EHBP1: variants seen among roughly 807,000 people sequenced by gnomAD.
EHBP1 encodes the protein EH domain binding protein 1.
In EHBP1, 55 loss-of-function variants were observed where a neutral mutation model predicts 144.0. That is an observed-to-expected ratio of 0.38 (90% confidence interval 0.31 to 0.48). The LOEUF is 0.48. EHBP1 is among the 20% of genes least tolerant of loss of function. The pLI, the probability that EHBP1 is intolerant of heterozygous loss-of-function variation, is 0.98. For synonymous variants in EHBP1, 469 were observed against 472.7 expected, an observed-to-expected ratio of 0.99 and a Z score of 0.10; for missense variants, 1,200 against 1,364.2, an observed-to-expected ratio of 0.88 and a Z score of 1.90.
At chr2:62,928,308 C>T (rs548123475) in intron 10 of EHBP1, among the ~76,000 whole-genome samples, 24 of 152,218 alleles carry the variant, frequency 1.6e-4, no homozygotes, top group African/African-American at 4.1e-4. Flanking sequence ...CCTAGGGAGG[C>T]GTTGTCCTCT....
intron 5 of EHBP1, among the ~76,000 whole-genome samples, chr2:62,811,595 A>G (rs1418589338): frequency 6.6e-6 from 1 of 152,208 alleles, no homozygotes; most frequent in East Asian, 1.9e-4. Flanking sequence ...ATGTCAAATT[A>G]TTTTGTTTCA....
chr2:62,778,806 A>G (rs1358552014), intron 5 of EHBP1, among the ~76,000 whole-genome samples: 1 of 152,184 alleles, frequency 6.6e-6, no homozygotes, highest in African/African-American at 2.4e-5. Flanking sequence ...ATTCTGATAA[A>G]TTACTTCTAC....
chr2:63,038,200 AG>A (rs1459404006), intron 20 of EHBP1, among the ~76,000 whole-genome samples: 1 of 152,120 alleles, frequency 6.6e-6, no homozygotes, highest in African/African-American at 2.4e-5. Flanking sequence ...GCTCACTAGC[AG>A]TATTCTTCTA....
chr2:62,892,130 A>G (rs1470438521), intron 10 of EHBP1, among the ~76,000 whole-genome samples: 7 of 152,198 alleles, frequency 4.6e-5, no homozygotes, highest in Non-Finnish European at 8.8e-5. Context: ...CTGCATTTAC[A>G]TCACAATTTC....
At chr2:62,676,515 G>A (rs2033301327) in intron 1 of EHBP1, among the ~76,000 whole-genome samples, 1 of 152,134 alleles carries the variant, frequency 6.6e-6, no homozygotes, top group Admixed American at 6.5e-5. Flanking sequence ...TGTTTATTTG[G>A]TGTGAATAAA....
intron 10 of EHBP1, among the ~76,000 whole-genome samples, chr2:62,880,859 G>T (rs1015379287): frequency 1.3e-5 from 2 of 152,060 alleles, no homozygotes; most frequent in East Asian, 3.9e-4. Context: ...TGTTCCCAAA[G>T]AATTTAAAAC....
intron 13 of EHBP1, among the ~76,000 whole-genome samples, chr2:62,951,213 A>G (rs1487955128): frequency 6.6e-6 from 1 of 152,230 alleles, no homozygotes; most frequent in African/African-American, 2.4e-5. Context: ...CAATATACGT[A>G]TAGGTAGACA....
At chr2:62,753,381 T>C (rs1046235181) in intron 3 of EHBP1, among the ~76,000 whole-genome samples, 5 of 152,216 alleles carry the variant, frequency 3.3e-5, no homozygotes, top group African/African-American at 4.8e-5. Context: ...GCTATTAGTC[T>C]GATGGGCTTC....
chr2:62,693,033 C>T (rs1203493753), intron 1 of EHBP1, among the ~76,000 whole-genome samples: 2 of 152,016 alleles, frequency 1.3e-5, no homozygotes, highest in African/African-American at 4.8e-5. Flanking sequence ...CCCTTCCCAG[C>T]CTCTGGTAAC....
chr2:62,877,770 T>G (rs1272126390), intron 10 of EHBP1, among the ~76,000 whole-genome samples: 1 of 152,184 alleles, frequency 6.6e-6, no homozygotes, highest in Non-Finnish European at 1.5e-5. Context: ...ATCAAGAAAT[T>G]CTTTGAAACA....
intron 9 of EHBP1, among the ~76,000 whole-genome samples, chr2:62,866,197 T>G (rs534397254): frequency 5.2e-5 from 8 of 152,384 alleles, no homozygotes; most frequent in Non-Finnish European, 8.8e-5. Context: ...AAAGCTGTTC[T>G]AGGCCTACCT....
Position 63,038,785 on chromosome 2 carries a change from C to T in EHBP1, c.3246C>T (p.Asn1082=). ...HDLERRYELL[N]RELRAMLAIE... ...TAGAACGACGGTATGAGCTGCTGAA[C>T]CGGGAATTGAGGGCAATGCTAGCCA... is the stretch of plus-strand genomic sequence containing the variant. The change falls in exon 21 of 23, where the codon AAC becomes AAT. Residue 1082 remains asparagine (N), a synonymous_variant. Transcript: ENST00000431489. The T allele has an allele frequency of 6.2e-7, 1 of 1,613,330 alleles. No individual in the cohort carries two copies. The highest frequency in any genetic ancestry group is 8.5e-7 in the Non-Finnish European group (1 of 1,179,486).
chr2:62,917,634 A>G (rs1398941844), intron 10 of EHBP1, among the ~76,000 whole-genome samples: 2 of 152,180 alleles, frequency 1.3e-5, no homozygotes, highest in African/African-American at 2.4e-5. Context: ...GGCAGTTTAT[A>G]TATGATTTAG....
At chr2:63,041,580 A>G (rs1230692808) in intron 21 of EHBP1, among the ~76,000 whole-genome samples, 1 of 152,222 alleles carries the variant, frequency 6.6e-6, no homozygotes, top group Admixed American at 6.5e-5. Flanking sequence ...TAAAATCAAT[A>G]TGTAATCCTG....
intron 14 of EHBP1, among the ~76,000 whole-genome samples, chr2:62,978,007 C>A (rs961298014): frequency 2.6e-4 from 39 of 152,102 alleles, no homozygotes; most frequent in African/African-American, 8.9e-4. Flanking sequence ...CTACATGATA[C>A]AAACAATTCT....
At chr2:62,807,805 T>G (rs1310245043) in intron 5 of EHBP1, among the ~76,000 whole-genome samples, 1 of 152,188 alleles carries the variant, frequency 6.6e-6, no homozygotes, top group African/African-American at 2.4e-5. Context: ...GTTGGTAGGC[T>G]TTTTCTCTCA....
intron 1 of EHBP1, among the ~76,000 whole-genome samples, chr2:62,691,354 T>C (rs1051209497): frequency 1.3e-5 from 2 of 152,174 alleles, no homozygotes; most frequent in African/African-American, 2.4e-5. Context: ...TCGCTAAAGC[T>C]CTAGCCAACC....
chr2:62,803,725 C>T (rs1486187489), intron 5 of EHBP1, among the ~76,000 whole-genome samples: 1 of 152,136 alleles, frequency 6.6e-6, no homozygotes, highest in South Asian at 2.1e-4. Context: ...TATTTTCACC[C>T]TGTCATTTTT....
At chr2:62,903,034 TGTA>T (rs2053536801) in intron 10 of EHBP1, among the ~76,000 whole-genome samples, 3 of 152,188 alleles carry the variant, frequency 2.0e-5, no homozygotes, top group African/African-American at 7.2e-5. Context: ...AGTGAGCTCT[TGTA>T]GTATGCGGTA....
Sources: allele counts gnomAD v4.1 joint callset (sites outside exome capture counted in the v4.1 genomes callset), GRCh38; gene constraint gnomAD v4.1.1; transcripts MANE v1.5; gene names NCBI Gene and HGNC (gene_info 2026-07-23, HGNC 2026-07-21).